The following KLF6 variants were observed in gnomAD, a reference collection of about 807,000 sequenced individuals.
KLF6 encodes the protein KLF transcription factor 6.
For synonymous variants in KLF6, 152 were observed against 147.9 expected, an observed-to-expected ratio of 1.03 and a Z score of -0.20; for missense variants, 233 against 359.8, an observed-to-expected ratio of 0.65 and a Z score of 2.85.
At chr10:3,784,777 G>C in intron 1 of KLF6, 136 bp downstream of exon 1, 2 of 771,576 alleles carry the variant, frequency 2.6e-6, no homozygotes, top group South Asian at 4.5e-5. Flanking sequence ...ATCGGCGGGG[G>C]CGCTGCGCCC....
At position 3,784,983 on chromosome 10, in the gene KLF6, T is replaced by C. The variant is rs1355084908; in HGVS notation, c.32A>G (p.Gln11Arg). 1 of 1,608,094 alleles carries C rather than the reference T, an allele frequency of 6.2e-7. No homozygotes were observed. Among genetic ancestry groups the C allele is most frequent in the Non-Finnish European group, 8.5e-7 (1 of 1,176,304 alleles). Residue 11 changes from glutamine (Q) to arginine (R), a missense_variant, in exon 1 of 4, where the codon CAG becomes CGG. Coordinates refer to ENST00000497571, the MANE Select transcript of KLF6 (RefSeq NM_001300.6). ...GGTCTCGTGCACGATCTGGAGCTCC[T>C]GGAAGATGCTGCACATGGGGAGCAC... The part of the protein sequence containing the change: MDVLPMCSIF[Q>R]ELQIVHETGY...
intron 3 of KLF6, 67 bp from the exon 4 acceptor site, chr10:3,779,657 C>T (rs1225069786): frequency 6.3e-6 from 9 of 1,428,722 alleles, no homozygotes; most frequent in African/African-American, 5.6e-5. Flanking sequence ...TCTGGACCAG[C>T]GCCCTCACCT....
intron 1 of KLF6, among the ~76,000 whole-genome samples, chr10:3,784,083 AAC>A (rs1832593462): frequency 6.6e-6 from 1 of 152,198 alleles, no homozygotes; most frequent in Admixed American, 6.5e-5. Context: ...ACGAAAAACA[AAC>A]AGCACAGCAG....
At position 3,781,035 on chromosome 10, in the gene KLF6, TG is replaced by T; in HGVS notation, c.676+605del. ...ATTCCTCACCAATTATCCTAGAACA[TG>T]TCAAGGTATTTTTAAATAGCACTTT... On this transcript the variant is annotated intron_variant, in intron 2 of 3. Coordinates refer to ENST00000497571, the MANE Select transcript of KLF6 (RefSeq NM_001300.6). This position sits in a 1 kb window ranked among gnomAD's most constrained non-coding sequence, Gnocchi z 5.8. The T allele has an allele frequency of 6.1e-6, 1 of 164,078 alleles. No homozygotes were observed. The highest frequency in any genetic ancestry group is 1.5e-4 in the South Asian group (1 of 6,632). 10.2% of individuals were successfully genotyped at this position (164,078 alleles called of 1,614,324 possible). A position where few individuals can be genotyped will look rare whatever the true frequency, so the allele number is the denominator to read the frequency against.
Position 3,780,037 on chromosome 10 carries a change from T to TA in KLF6, c.800+68dup, listed in dbSNP as rs1832485180. 6.3e-7 allele frequency: 1 copy of TA among 1,593,414 alleles called. No individual in the cohort carries two copies. The highest frequency in any genetic ancestry group is 1.1e-5 in the South Asian group (1 of 90,702). ...TTCCTTCGAATGTGCCCTGCACACC[T>TA]ACTCAACCCTGGTCATCACATTCCC... On this transcript the variant is annotated intron_variant, in intron 3 of 3. Transcript: ENST00000497571. The surrounding 1 kb of genome is among the most constrained non-coding windows in gnomAD (Gnocchi z 4.6).
Position 3,782,571 on chromosome 10 carries a change from T to C in KLF6, c.103-357A>G, listed in dbSNP as rs1368213674. Among the ~76,000 whole-genome samples the C allele has an allele frequency of 6.6e-6, 1 of 152,126 alleles. No individual in the cohort carries two copies. The highest frequency in any genetic ancestry group is 1.5e-5 in the Non-Finnish European group (1 of 68,036). Reference sequence around the variant, plus strand: ...AAGAGAACCGGCCCCATACACATACTCCTCCCCAACAGGTTCAACCAGATT... The same window carrying C: ...AAGAGAACCGGCCCCATACACATACCCCTCCCCAACAGGTTCAACCAGATT... On this transcript the variant is annotated intron_variant, in intron 1 of 3. Coordinates refer to ENST00000497571, the MANE Select transcript of KLF6 (RefSeq NM_001300.6). This position sits in a 1 kb window ranked among gnomAD's most constrained non-coding sequence, Gnocchi z 4.3.
chr10:3,777,759 AATAT>A lies in KLF6; in HGVS notation c.*1776_*1779del, dbSNP rs200778872. On this transcript the variant is annotated 3_prime_UTR_variant, in exon 4 of 4. Coordinates refer to ENST00000497571, the MANE Select transcript of KLF6 (RefSeq NM_001300.6). The stretch of plus-strand genomic sequence containing the variant: ...ATATTTATATATTATCTATATATAT[AATAT>A]ATATATATACACACATACACATACT... 7 of 282,924 alleles carry A rather than the reference AATAT, an allele frequency of 2.5e-5. No homozygotes were observed. Among genetic ancestry groups the A allele is most frequent in the African/African-American group, 1.2e-4 (5 of 42,858 alleles). 17.5% of individuals were successfully genotyped at this position (282,924 alleles called of 1,614,324 possible). A position where few individuals can be genotyped will look rare whatever the true frequency, so the allele number is the denominator to read the frequency against.
Position 3,776,271 on chromosome 10 carries a change from T to C in KLF6, c.*3268A>G. The C allele has an allele frequency of 1.9e-6, 1 of 532,886 alleles. No homozygotes were observed. The highest frequency in any genetic ancestry group is 1.5e-5 in the South Asian group (1 of 65,176). 33.0% of individuals were successfully genotyped at this position (532,886 alleles called of 1,614,324 possible). ...ATTCCCTGGCTTGAGCAATGGAAGA[T>C]CAAACCGGCATGGTTCCCTACTGTG... On this transcript the variant is annotated 3_prime_UTR_variant, in exon 4 of 4. Transcript: ENST00000497571.
At chr10:3,783,671 ATTGAT>A (rs1208395901) in intron 1 of KLF6, among the ~76,000 whole-genome samples, 38 of 152,330 alleles carry the variant, frequency 2.5e-4, no homozygotes, top group Middle Eastern at 3.4e-3. Context: ...GATGTATTTT[ATTGAT>A]TTAACAAAGA....
In KLF6 at chr10:3,780,838, T is replaced by C; in HGVS notation, c.677-609A>G. On this transcript the variant is annotated intron_variant, in intron 2 of 3. Coordinates refer to ENST00000497571, the MANE Select transcript of KLF6 (RefSeq NM_001300.6). The surrounding 1 kb of genome is among the most constrained non-coding windows in gnomAD (Gnocchi z 4.6). ...AGAAAACAAAGTTGTCAAGCCAATC[T>C]CAGGGTATGTTGAGACAGGCCTGGG... 5.6e-6 allele frequency: 1 copy of C among 179,170 alleles called. No homozygotes were observed. Among genetic ancestry groups the C allele is most frequent in the South Asian group, 1.1e-4 (1 of 8,886 alleles). The allele number at this position is 179,170 out of a possible 1,614,324, so 11.1% of individuals were successfully genotyped here.
Position 3,780,803 on chromosome 10 carries a change from G to C in KLF6, c.677-574C>G, listed in dbSNP as rs566356707. On this transcript the variant is annotated intron_variant, in intron 2 of 3. Transcript: ENST00000497571. The surrounding 1 kb of genome is among the most constrained non-coding windows in gnomAD (Gnocchi z 4.6). ...AATCATAAATATGAATTTACTACAA[G>C]TGCTACCTGAGAAAACAAAGTTGTC... is the stretch of plus-strand genomic sequence containing the variant. The C allele has an allele frequency of 3.3e-4, 60 of 179,766 alleles. No individual in the cohort carries two copies. The highest frequency in any genetic ancestry group is 6.1e-4 in the Non-Finnish European group (50 of 82,422). 11.1% of individuals were successfully genotyped at this position (179,766 alleles called of 1,614,324 possible).
rs61829726 is a variant in KLF6, at chr10:3,777,737, T to C, written c.*1802A>G. 3 of 335,284 alleles carry C rather than the reference T, an allele frequency of 8.9e-6. No individual in the cohort carries two copies. The highest frequency in any genetic ancestry group is 1.1e-5 in the Non-Finnish European group (2 of 175,512). The allele number at this position is 335,284 out of a possible 1,614,324, so 20.8% of individuals were successfully genotyped here. On this transcript the variant is annotated 3_prime_UTR_variant, in exon 4 of 4. Coordinates refer to ENST00000497571, the MANE Select transcript of KLF6 (RefSeq NM_001300.6). Reference sequence around the variant, plus strand: ...TTCTAGTTTCTCCTTAAAAAAAATATTTATATATTATCTATATATATAATA... The same window carrying C: ...TTCTAGTTTCTCCTTAAAAAAAATACTTATATATTATCTATATATATAATA...
At position 3,781,750 on chromosome 10, in the gene KLF6, G is replaced by A; in HGVS notation, c.567C>T (p.Gly189=). 1.2e-6 allele frequency: 2 copies of A among 1,614,212 alleles called. No individual in the cohort carries two copies. Among genetic ancestry groups the A allele is most frequent in the South Asian group, 1.1e-5 (1 of 91,088 alleles). ...TSGKPGDKGN[G]DASPDGRRRV... ...TCCTCCTGCCGTCGGGGGAGGCATCGCCATTTCCCTTGTCACCTGGCTTCC... is the reference window on the plus strand; with the variant it reads ...TCCTCCTGCCGTCGGGGGAGGCATCACCATTTCCCTTGTCACCTGGCTTCC... The change falls in exon 2 of 4, where the codon GGC becomes GGT. Residue 189 remains glycine, a synonymous_variant. Coordinates refer to ENST00000497571, the MANE Select transcript of KLF6 (RefSeq NM_001300.6). This position sits in a 1 kb window ranked among gnomAD's most constrained non-coding sequence, Gnocchi z 5.8.
At chr10:3,784,479 AAGAG>A (rs1415781886) in intron 1 of KLF6, among the ~76,000 whole-genome samples, 1 of 152,190 alleles carries the variant, frequency 6.6e-6, no homozygotes, top group Non-Finnish European at 1.5e-5. Flanking sequence ...ACAAAAATAA[AAGAG>A]AGCTGGTCTA....
At chr10:3,784,302 G>C (rs1262995534) in intron 1 of KLF6, among the ~76,000 whole-genome samples, 3 of 152,026 alleles carry the variant, frequency 2.0e-5, no homozygotes, top group Non-Finnish European at 2.9e-5. Context: ...AGTTTGGACG[G>C]GCTCATTGTC....
Position 3,781,269 on chromosome 10 carries a change from T to A in KLF6, c.676+372A>T, listed in dbSNP as rs1036859775. Reference sequence around the variant, plus strand: ...AACCCTCTGTCCTGACCCTTGAGTTTCATTTAGGAAACCCCAGGGCCGCTC... The same window carrying A: ...AACCCTCTGTCCTGACCCTTGAGTTACATTTAGGAAACCCCAGGGCCGCTC... On this transcript the variant is annotated intron_variant, in intron 2 of 3. Coordinates refer to ENST00000497571, the MANE Select transcript of KLF6 (RefSeq NM_001300.6). The surrounding 1 kb of genome is among the most constrained non-coding windows in gnomAD (Gnocchi z 5.8). 1 of 668,480 alleles carries A rather than the reference T, an allele frequency of 1.5e-6. No homozygotes were observed. The highest frequency in any genetic ancestry group is 2.4e-6 in the Non-Finnish European group (1 of 416,114). The allele number at this position is 668,480 out of a possible 1,614,324, so 41.4% of individuals were successfully genotyped here. A position where few individuals can be genotyped will look rare whatever the true frequency, so the allele number is the denominator to read the frequency against.
At chr10:3,783,446 C>G (rs571012764) in intron 1 of KLF6, among the ~76,000 whole-genome samples, 4 of 152,286 alleles carry the variant, frequency 2.6e-5, no homozygotes, top group African/African-American at 9.6e-5. Context: ...CGTCATTTTT[C>G]CGGGCAGGGA....
In KLF6 at chr10:3,776,829, T is replaced by A. The variant is rs1258249456; in HGVS notation, c.*2710A>T. Reference sequence around the variant, plus strand: ...TACTTCTTTATGTACGTGCTAATTATGAAAATCACAGGCATTGACAGGTAC... The same window carrying A: ...TACTTCTTTATGTACGTGCTAATTAAGAAAATCACAGGCATTGACAGGTAC... On this transcript the variant is annotated 3_prime_UTR_variant, in exon 4 of 4. Coordinates refer to ENST00000497571, the MANE Select transcript of KLF6 (RefSeq NM_001300.6). The A allele has an allele frequency of 3.8e-6, 2 of 524,214 alleles. No individual in the cohort carries two copies. Among genetic ancestry groups the A allele is most frequent in the Admixed American group, 4.5e-5 (2 of 44,598 alleles). 32.5% of individuals were successfully genotyped at this position (524,214 alleles called of 1,614,324 possible).
Position 3,777,128 on chromosome 10 carries a change from A to AT in KLF6, c.*2410dup, listed in dbSNP as rs768488009. ...TAGGTAAATGTATTCATCAGCCCAG[A>AT]TAAAAAAAAAACCAGTTATGTGAGC... On this transcript the variant is annotated 3_prime_UTR_variant, in exon 4 of 4. Transcript: ENST00000497571. The AT allele has an allele frequency of 4.7e-5, 23 of 493,390 alleles. No individual in the cohort carries two copies. In the Middle Eastern group the frequency reaches 1.7e-3, roughly 36 times the overall value. 30.6% of individuals were successfully genotyped at this position (493,390 alleles called of 1,614,324 possible).
Sources: gnomAD v4.1 joint callset for allele counts (sites outside exome capture counted in the v4.1 genomes callset) on GRCh38, gnomAD v4.1.1 for gene constraint, Gnocchi (gnomAD v3.1) non-coding constraint, MANE v1.5 for transcripts, NCBI Gene and HGNC (gene_info 2026-07-23, HGNC 2026-07-21) for gene names.